KIAA1671: variants seen among roughly 807,000 people sequenced by gnomAD.
KIAA1671 encodes uncharacterized protein KIAA1671.
KIAA1671 carries 52 observed loss-of-function variants against 131.2 expected under a neutral mutation model. The ratio of observed to expected loss-of-function variants is 0.40; its 90% confidence interval spans 0.32 to 0.50. KIAA1671 has a LOEUF of 0.50. Among genes scored for constraint, KIAA1671 ranks in the 20% least tolerant of loss-of-function variants. The pLI is 0.73. For synonymous variants in KIAA1671, 1,003 were observed against 961.6 expected (o/e 1.04, Z -0.80); for missense variants, 2,360 against 2,364.2 (o/e 1.00, Z 0.04).
intron 6 of KIAA1671, among the ~76,000 whole-genome samples, chr22:25,113,772 T>A (rs1292979640): frequency 6.6e-6 from 1 of 152,182 alleles, no homozygotes; most frequent in African/African-American, 2.4e-5. Flanking sequence ...GGGGCTTGGA[T>A]TTATGAGACA....
chr22:25,129,507 GAAAAAA>G (rs768667507), intron 6 of KIAA1671, among the ~76,000 whole-genome samples: 1 of 130,866 alleles, frequency 7.6e-6, no homozygotes, highest in African/African-American at 2.7e-5. Context: ...GACTCCATCT[GAAAAAA>G]AAAAAAAACC....
intron 5 of KIAA1671, among the ~76,000 whole-genome samples, chr22:25,044,749 C>G (rs890845022): frequency 9.9e-5 from 15 of 152,220 alleles, no homozygotes; most frequent in Non-Finnish European, 2.2e-4. Context: ...GAGGCAGCCA[C>G]CATTACATTG....
intron 4 of KIAA1671, 139 bp from the exon 5 acceptor site, chr22:25,038,621 G>C (rs1926741866): frequency 1.1e-6 from 1 of 917,082 alleles, no homozygotes; most frequent in Non-Finnish European, 1.6e-6. Context: ...ACCCACACTG[G>C]GTGTGTTCAT....
intron 1 of KIAA1671, among the ~76,000 whole-genome samples, chr22:24,990,342 C>T (rs56083857): frequency 0.15 from 22,928 of 152,204 alleles, 2,002 homozygotes; most frequent in East Asian, 0.28. Context: ...CCGCCTGCCT[C>T]GGCCTCCAGA....
chr22:25,110,417 A>G (rs1001840277), intron 6 of KIAA1671, among the ~76,000 whole-genome samples: 2 of 152,180 alleles, frequency 1.3e-5, no homozygotes, highest in Admixed American at 6.5e-5. Context: ...GCCAGGTACC[A>G]TGTCAGACCT....
At chr22:25,106,698 GAAT>G (rs1182771304) in intron 6 of KIAA1671, among the ~76,000 whole-genome samples, 1 of 152,138 alleles carries the variant, frequency 6.6e-6, no homozygotes, top group Non-Finnish European at 1.5e-5. Context: ...ACTGATCACT[GAAT>G]AATATTTCAA....
chr22:25,039,726 G>T lies in KIAA1671; in HGVS notation c.2596G>T (p.Gly866Trp). The T allele has an allele frequency of 3.3e-6, 5 of 1,503,142 alleles. No individual in the cohort carries two copies. Among genetic ancestry groups the T allele is most frequent in the Non-Finnish European group, 4.5e-6 (5 of 1,120,664 alleles). 93.1% of individuals were successfully genotyped at this position (1,503,142 alleles called of 1,614,324 possible). A position where few individuals can be genotyped will look rare whatever the true frequency, so the allele number is the denominator to read the frequency against. Reference protein sequence around the residue: ...IWESQHEGPEGARSKPGVGAR... With the variant: ...IWESQHEGPEWARSKPGVGAR... ...GGAAAGCCAGCATGAGGGGCCAGAG[G>T]GGGCCAGAAGCAAGCCAGGAGTGGG... Residue 866 changes from glycine (G) to tryptophan (W), a missense_variant, in exon 5 of 13, where the codon GGG becomes TGG. Gly to Trp is a radical substitution (Grantham distance 184). Coordinates refer to ENST00000358431, the MANE Select transcript of KIAA1671 (RefSeq NM_001145206.2).
intron 1 of KIAA1671, chr22:25,010,413 C>A (rs1924973552): frequency 6.6e-6 from 1 of 152,076 alleles, no homozygotes; most frequent in South Asian, 2.1e-4. Flanking sequence ...GAACTCCTGA[C>A]CTTGTGATCT....
intron 6 of KIAA1671, among the ~76,000 whole-genome samples, chr22:25,079,348 G>A (rs1929280546): frequency 1.3e-5 from 2 of 151,886 alleles, no homozygotes; most frequent in Admixed American, 6.6e-5. Flanking sequence ...CCCTGCCTCC[G>A]CCTCCTGAGG....
intron 9 of KIAA1671, chr22:25,179,448 C>T (rs1934183866): frequency 1.2e-6 from 2 of 1,613,576 alleles, no homozygotes; most frequent in Non-Finnish European, 1.7e-6. Context: ...TTGAGCTTCT[C>T]CTCCGCCTGG....
chr22:25,152,474 A>G lies in KIAA1671; in HGVS notation c.4531-18346A>G, dbSNP rs551894549. 9.6e-4 allele frequency among the ~76,000 whole-genome samples: 146 copies of G among 152,344 alleles called. 1 individual carries two copies. The highest frequency in any genetic ancestry group is 3.5e-3 in the African/African-American group (144 of 41,576). On this transcript the variant is annotated intron_variant, in intron 6 of 12. Coordinates refer to ENST00000358431, the MANE Select transcript of KIAA1671 (RefSeq NM_001145206.2). Reference sequence around the variant, plus strand: ...CAGGCACACAGACACATGCATGTACAGAGGAACATACACTGACTAGTTGCC... The same window carrying G: ...CAGGCACACAGACACATGCATGTACGGAGGAACATACACTGACTAGTTGCC...
intron 6 of KIAA1671, among the ~76,000 whole-genome samples, chr22:25,148,907 T>C (rs1279752635): frequency 1.3e-4 from 20 of 152,222 alleles, no homozygotes; most frequent in Non-Finnish European, 1.5e-5. Context: ...TTACAGTTCC[T>C]ATAAATTTCA....
chr22:25,107,550 C>T (rs1247254768), intron 6 of KIAA1671, among the ~76,000 whole-genome samples: 2 of 141,566 alleles, frequency 1.4e-5, no homozygotes, highest in Non-Finnish European at 3.0e-5. Flanking sequence ...TCACAGCTCA[C>T]TGCAGCCTTA....
At chr22:24,981,140 G>A (rs1322158624) in intron 1 of KIAA1671, among the ~76,000 whole-genome samples, 1 of 151,994 alleles carries the variant, frequency 6.6e-6, no homozygotes, top group Non-Finnish European at 1.5e-5. Flanking sequence ...TTTAATTTGT[G>A]GGGGATTTGT....
In KIAA1671 at chr22:24,985,735, AGT is replaced by A. The variant is rs964211794; in HGVS notation, c.-208+32974_-208+32975del. 6.8e-5 allele frequency among the ~76,000 whole-genome samples: 10 copies of A among 146,410 alleles called. No individual in the cohort carries two copies. In the East Asian group the frequency reaches 2.0e-3, roughly 30 times the overall value. ...GGGGGAGAGAGAGAGAGAGTGTGTG[AGT>A]GTGTGTGTGTATGTGTGTGTGTGTG... On this transcript the variant is annotated intron_variant, in intron 1 of 12. Coordinates refer to ENST00000358431, the MANE Select transcript of KIAA1671 (RefSeq NM_001145206.2).
intron 6 of KIAA1671, among the ~76,000 whole-genome samples, chr22:25,116,969 T>C (rs952614752): frequency 1.3e-5 from 2 of 152,208 alleles, no homozygotes; most frequent in Non-Finnish European, 2.9e-5. Flanking sequence ...TCTAATGATA[T>C]ATTGGGCTAC....
chr22:24,984,591 C>T (rs1402892531), intron 1 of KIAA1671, among the ~76,000 whole-genome samples: 2 of 152,112 alleles, frequency 1.3e-5, no homozygotes, highest in Admixed American at 1.3e-4. Flanking sequence ...GGAATTAATT[C>T]CCTTATATGT....
intron 6 of KIAA1671, among the ~76,000 whole-genome samples, chr22:25,100,851 G>C (rs979657184): frequency 1.3e-5 from 2 of 152,152 alleles, no homozygotes; most frequent in African/African-American, 4.8e-5. Flanking sequence ...CAGAAGGATG[G>C]GAGGGAGGAA....
intron 6 of KIAA1671, among the ~76,000 whole-genome samples, chr22:25,089,704 G>T (rs1413393063): frequency 4.6e-5 from 7 of 152,092 alleles, no homozygotes; most frequent in Non-Finnish European, 1.0e-4. Context: ...TTTGTTAATG[G>T]CTTTATATTC....
Sources: gnomAD v4.1 joint callset for allele counts (sites outside exome capture counted in the v4.1 genomes callset) on GRCh38, gnomAD v4.1.1 for gene constraint, MANE v1.5 for transcripts, NCBI Gene and HGNC (gene_info 2026-07-23, HGNC 2026-07-21) for gene names.